Variants in UNC13C observed in about 807,000 individuals in gnomAD.
UNC13C encodes protein unc-13 homolog C.
In UNC13C, 174 loss-of-function variants were observed where a neutral mutation model predicts 245.4. The ratio of observed to expected loss-of-function variants is 0.71; its 90% confidence interval spans 0.63 to 0.80. The LOEUF is 0.80. Ranked by LOEUF, UNC13C falls within the 30% of genes least tolerant of loss-of-function variation. The pLI, the probability that UNC13C is intolerant of heterozygous loss-of-function variation, is 0.00. For synonymous variants in UNC13C, 992 were observed against 895.1 expected (o/e 1.11, Z -1.93); for missense variants, 2,829 against 2,602.9 (o/e 1.09, Z -1.89).
chr15:54,062,159 A>C (rs910798380), intron 2 of UNC13C, among the ~76,000 whole-genome samples: 1 of 151,962 alleles, frequency 6.6e-6, no homozygotes, highest in African/African-American at 2.4e-5. Flanking sequence ...ACCTTTACTA[A>C]AAATACAAAA....
At chr15:54,383,642 G>GCTCT in intron 17 of UNC13C, among the ~76,000 whole-genome samples, 1 of 152,176 alleles carries the variant, frequency 6.6e-6, no homozygotes, top group Non-Finnish European at 1.5e-5. Context: ...CCACTCCTAT[G>GCTCT]CAACATGGTG....
intron 17 of UNC13C, among the ~76,000 whole-genome samples, chr15:54,345,809 G>A (rs138399249): frequency 4.6e-5 from 7 of 152,172 alleles, no homozygotes; most frequent in Admixed American, 3.9e-4. Context: ...TATCCACAGT[G>A]CCTCTAAGGT....
chr15:54,235,103 G>A lies in UNC13C; in HGVS notation c.3145G>A (p.Asp1049Asn), dbSNP rs1250190807. 6.2e-7 allele frequency: 1 copy of A among 1,613,664 alleles called. No homozygotes were observed. The highest frequency in any genetic ancestry group is 1.3e-5 in the African/African-American group (1 of 74,910). ...RRKKTLPIVR[D>N]VAMTLAARKS... ...AAAAAAAACTTTGCCTATTGTCCGA[G>A]ATGTGGTAAGTTACAACTGTTTAAT... Residue 1049 changes from aspartate to asparagine, a missense_variant, in exon 5 of 33, where the codon GAT becomes AAT. Transcript: ENST00000260323.
intron 4 of UNC13C, among the ~76,000 whole-genome samples, chr15:54,197,908 G>A (rs2034407253): frequency 6.6e-6 from 1 of 152,076 alleles, no homozygotes; most frequent in African/African-American, 2.4e-5. Context: ...CAACAAGGAG[G>A]CTCATGGTCT....
chr15:54,025,764 C>T (rs923935314), intron 2 of UNC13C, among the ~76,000 whole-genome samples: 4 of 152,180 alleles, frequency 2.6e-5, no homozygotes, highest in Non-Finnish European at 4.4e-5. Flanking sequence ...AGCACTCAAA[C>T]GATCAGATCT....
chr15:54,611,884 C>A (rs1900120144), intron 30 of UNC13C, among the ~76,000 whole-genome samples: 1 of 152,010 alleles, frequency 6.6e-6, no homozygotes, highest in South Asian at 2.1e-4. Context: ...CTTCATCAGG[C>A]TTACACACAA....
intron 4 of UNC13C, among the ~76,000 whole-genome samples, chr15:54,183,108 G>A (rs115617544): frequency 8.9e-4 from 135 of 151,648 alleles, no homozygotes; most frequent in African/African-American, 3.0e-3. Context: ...TTACAAACCC[G>A]AAAGAAGTTA....
At chr15:54,621,324 A>G (rs1339543495) in intron 30 of UNC13C, among the ~76,000 whole-genome samples, 1 of 152,196 alleles carries the variant, frequency 6.6e-6, no homozygotes, top group African/African-American at 2.4e-5. Flanking sequence ...CAAAAATACT[A>G]TGCTTTTAAA....
intron 30 of UNC13C, among the ~76,000 whole-genome samples, chr15:54,573,572 T>C (rs1239959099): frequency 4.6e-5 from 7 of 152,220 alleles, no homozygotes. Context: ...ATTTACTGAG[T>C]GTCCCCTCTG....
At chr15:53,969,370 G>A in the UNC13C span, among the ~76,000 whole-genome samples, 1 of 152,242 alleles carries the variant, frequency 6.6e-6, no homozygotes, top group East Asian at 1.9e-4. Context: ...ATTTTTGAAT[G>A]TTAATACATA....
intron 4 of UNC13C, among the ~76,000 whole-genome samples, chr15:54,154,645 A>G (rs1031882830): frequency 6.6e-6 from 1 of 152,206 alleles, no homozygotes; most frequent in Non-Finnish European, 1.5e-5. Context: ...AGCATGCAAC[A>G]TATAGATATG....
chr15:54,193,142 T>C (rs1249760845), intron 4 of UNC13C, among the ~76,000 whole-genome samples: 1 of 152,186 alleles, frequency 6.6e-6, no homozygotes, highest in Non-Finnish European at 1.5e-5. Context: ...TATAAAGTAC[T>C]AAGTGAGATG....
the UNC13C span, among the ~76,000 whole-genome samples, chr15:53,868,355 A>G: frequency 2.0e-5 from 3 of 152,222 alleles, no homozygotes; most frequent in East Asian, 1.9e-4. Flanking sequence ...ATGCCAGTCT[A>G]TGGTTCTTTA....
At chr15:54,112,598 T>G (rs1195691579) in intron 2 of UNC13C, among the ~76,000 whole-genome samples, 1 of 152,220 alleles carries the variant, frequency 6.6e-6, no homozygotes, top group South Asian at 2.1e-4. Context: ...CTTTTACTAT[T>G]GTCACATCTG....
At chr15:54,499,314 T>C (rs969686030) in intron 20 of UNC13C, among the ~76,000 whole-genome samples, 4 of 152,174 alleles carry the variant, frequency 2.6e-5, no homozygotes, top group African/African-American at 9.6e-5. Context: ...AAACTATTCA[T>C]AAAAACTCCA....
At chr15:54,471,292 T>C (rs1892450528) in intron 19 of UNC13C, among the ~76,000 whole-genome samples, 1 of 151,622 alleles carries the variant, frequency 6.6e-6, no homozygotes, top group Admixed American at 6.6e-5. Flanking sequence ...GAAAGTAGGA[T>C]ACTGAAATTC....
At chr15:54,269,728 A>G (rs1596117607) in intron 10 of UNC13C, among the ~76,000 whole-genome samples, 1 of 152,260 alleles carries the variant, frequency 6.6e-6, no homozygotes, top group African/African-American at 2.4e-5. Context: ...ACCGGAATGG[A>G]CCATTAAACT....
At chr15:54,483,138 A>G (rs1158810450) in intron 19 of UNC13C, among the ~76,000 whole-genome samples, 1 of 152,122 alleles carries the variant, frequency 6.6e-6, no homozygotes. Context: ...TTTTCTTCTT[A>G]TGGCTTTGTT....
At position 54,552,680 on chromosome 15, in the gene UNC13C, A is replaced by AT. The variant is rs1318887410; in HGVS notation, c.5878-2752_5878-2751insT. Among the ~76,000 whole-genome samples the AT allele has an allele frequency of 1.5e-3, 123 of 84,522 alleles. 1 individual carries two copies. Among genetic ancestry groups the AT allele is most frequent in the Non-Finnish European group, 2.3e-3 (117 of 51,388 alleles). 55.4% of individuals were successfully genotyped at this position (84,522 alleles called of 152,430 possible). A position where few individuals can be genotyped will look rare whatever the true frequency, so the allele number is the denominator to read the frequency against. On this transcript the variant is annotated intron_variant, in intron 28 of 32. Transcript: ENST00000260323. The stretch of plus-strand genomic sequence containing the variant: ...TATATTATATTGTACTATATAATAT[A>AT]ATTATATAATTATATATTATATATA...
Sources: allele counts gnomAD v4.1 joint callset (sites outside exome capture counted in the v4.1 genomes callset), GRCh38; gene constraint gnomAD v4.1.1; transcripts MANE v1.5; gene names NCBI Gene and HGNC (gene_info 2026-07-23, HGNC 2026-07-21).